Variants in PPP1R3F observed in about 807,000 individuals in gnomAD.
The protein encoded by PPP1R3F is protein phosphatase 1, regulatory (inhibitor) subunit 3F.
A neutral mutation model predicts 24.2 loss-of-function variants in PPP1R3F; 29 were observed. The observed-to-expected ratio is 1.20, with a 90% confidence interval of 0.89 to 1.63. PPP1R3F has a LOEUF of 1.63. Among genes scored for constraint, PPP1R3F ranks in the 40% most tolerant of loss-of-function variants. PPP1R3F has a pLI of 0.00. For synonymous variants in PPP1R3F, 363 were observed against 340.1 expected, an observed-to-expected ratio of 1.07 and a Z score of -0.74; for missense variants, 823 against 729.3, an observed-to-expected ratio of 1.13 and a Z score of -1.48.
At chrX:49,283,345 C>T (rs782805868) in intron 3 of PPP1R3F, among the ~76,000 whole-genome samples, 2 of 109,508 alleles carry the variant, frequency 1.8e-5, no homozygotes, top group Admixed American at 9.7e-5. Context: ...CAACCTCTGC[C>T]TCCTGGGTTC....
chrX:49,281,587 T>A, intron 2 of PPP1R3F, 126 bp downstream of exon 2: 1 of 548,333 alleles, frequency 1.8e-6, no homozygotes, highest in Middle Eastern at 5.3e-4. Flanking sequence ...CCCAGCACTT[T>A]GGGAGGCTGA....
At chrX:49,278,357 T>A (rs2066227296) in intron 1 of PPP1R3F, among the ~76,000 whole-genome samples, 1 of 112,514 alleles carries the variant, frequency 8.9e-6, no homozygotes, top group Admixed American at 9.4e-5. Context: ...AGGAGGAGGA[T>A]GTTTTCTGTC....
Position 49,285,864 on chromosome X carries a change from G to T in PPP1R3F, c.1174G>T (p.Ala392Ser), listed in dbSNP as rs782564902. 4 of 1,158,340 alleles carry T rather than the reference G, an allele frequency of 3.5e-6. No individual in the cohort carries two copies. The highest frequency in any genetic ancestry group is 4.6e-6 in the Non-Finnish European group (4 of 866,622). Residue 392 changes from alanine to serine, a missense_variant, in exon 4 of 4, where the codon GCA becomes TCA. Physicochemically the swap from Ala to Ser is moderately conservative, Grantham distance 99 (BLOSUM62 1). Coordinates refer to ENST00000055335, the MANE Select transcript of PPP1R3F (RefSeq NM_033215.5). Reference sequence around the variant, plus strand: ...TGACGTTCCGATGACTGGCAACCCCGCAGAAGAAGGTGATGTCCCCAGAAG... The same window carrying T: ...TGACGTTCCGATGACTGGCAACCCCTCAGAAGAAGGTGATGTCCCCAGAAG... Reference protein sequence around the residue: ...VSDVPMTGNPAEEGDVPRSSP... With the variant: ...VSDVPMTGNPSEEGDVPRSSP...
At chrX:49,273,978 G>C (rs2066196903) in intron 1 of PPP1R3F, 1 of 112,793 alleles carries the variant, frequency 8.9e-6, no homozygotes, top group Non-Finnish European at 1.9e-5. Context: ...CTAGGTTCCA[G>C]CAGGGAAAGA....
chrX:49,278,373 G>A (rs947846982), intron 1 of PPP1R3F, among the ~76,000 whole-genome samples: 53 of 112,558 alleles, frequency 4.7e-4, no homozygotes, highest in African/African-American at 1.7e-3. Flanking sequence ...CTGTCATGAA[G>A]GACTATGGTA....
intron 1 of PPP1R3F, among the ~76,000 whole-genome samples, chrX:49,272,750 C>G (rs1250833672): frequency 8.9e-6 from 1 of 112,145 alleles, no homozygotes; most frequent in East Asian, 2.8e-4. Flanking sequence ...GTGCTATGAA[C>G]ATCAGATCCA....
intron 1 of PPP1R3F, among the ~76,000 whole-genome samples, chrX:49,271,312 A>G (rs1211629953): frequency 8.9e-6 from 1 of 112,229 alleles, no homozygotes; most frequent in Admixed American, 9.4e-5. Context: ...AGAGTTATGC[A>G]GATACGGTGG....
At chrX:49,277,941 T>C (rs2066224334) in intron 1 of PPP1R3F, among the ~76,000 whole-genome samples, 1 of 112,447 alleles carries the variant, frequency 8.9e-6, no homozygotes, top group Admixed American at 9.4e-5. Flanking sequence ...ATGCTTGTGC[T>C]TTCTGCTTTC....
Position 49,270,714 on chromosome X carries a change from C to G in PPP1R3F, c.845C>G (p.Thr282Arg), listed in dbSNP as rs782804341. The stretch of plus-strand genomic sequence containing the variant: ...GCCAACAACCACGGCCGCAACTACA[C>G]AGTCCTGCTCCGGATCGCACCCGCT... The part of the protein sequence containing the change: ...FWANNHGRNY[T>R]VLLRIAPAPT... The change falls in exon 1 of 4, where the codon ACA becomes AGA. Residue 282 changes from threonine (T) to arginine (R), a missense_variant. Thr to Arg is a moderately conservative substitution (Grantham distance 71). Coordinates refer to ENST00000055335, the MANE Select transcript of PPP1R3F (RefSeq NM_033215.5). 4 of 1,207,676 alleles carry G rather than the reference C, an allele frequency of 3.3e-6. No individual in the cohort carries two copies. Among genetic ancestry groups the G allele is most frequent in the Non-Finnish European group, 4.5e-6 (4 of 893,479 alleles).
Position 49,270,842 on chromosome X carries a change from C to A in PPP1R3F, c.973C>A (p.Leu325Met). 8.4e-7 allele frequency: 1 copy of A among 1,185,946 alleles called. No homozygotes were observed. Among genetic ancestry groups the A allele is most frequent in the Non-Finnish European group, 1.1e-6 (1 of 882,601 alleles). The change falls in exon 1 of 4, where the codon CTG becomes ATG. Residue 325 changes from leucine to methionine, a missense_variant. Physicochemically the swap from Leu to Met is conservative, Grantham distance 15. Coordinates refer to ENST00000055335, the MANE Select transcript of PPP1R3F (RefSeq NM_033215.5). ...TCCCGTGGAGGCTGAGGCCAGGCAG[C>A]TGAAGAGCTGCATGAAGCCGGTGAG... is the stretch of plus-strand genomic sequence containing the variant. ...QGPVEAEARQ[L>M]KSCMKPVRRR...
downstream of PPP1R3F, among the ~76,000 whole-genome samples, chrX:49,292,960 C>T (rs1332701905): frequency 8.9e-6 from 1 of 112,094 alleles, no homozygotes; most frequent in Non-Finnish European, 1.9e-5. Flanking sequence ...ATGGATGCGG[C>T]CACCTCAGGC....
Position 49,270,591 on chromosome X carries a change from A to C in PPP1R3F, c.722A>C (p.Asp241Ala). ...TCGCCCGACGACGGCGGCCGCACCG[A>C]CCGCTTTGCCTTCCAGCTGCCCTTT... ...ASSPDDGGRT[D>A]RFAFQLPFAE... Residue 241 changes from aspartate (D) to alanine (A), a missense_variant, in exon 1 of 4, where the codon GAC (aspartate) becomes GCC (alanine). Coordinates refer to ENST00000055335, the MANE Select transcript of PPP1R3F (RefSeq NM_033215.5). The C allele has an allele frequency of 8.3e-7, 1 of 1,203,867 alleles. No homozygotes were observed. The highest frequency in any genetic ancestry group is 1.1e-6 in the Non-Finnish European group (1 of 894,171).
At position 49,287,685 on chromosome X, in the gene PPP1R3F, T is replaced by A. The variant is rs1191662176; in HGVS notation, c.*595T>A. On this transcript the variant is annotated 3_prime_UTR_variant, in exon 4 of 4. Transcript: ENST00000055335. ...CCTCGTCTCGTGGTCCTAATCCATA[T>A]GGTTCTTTGTCTTTTCCACATTCTG... 2 of 111,505 alleles carry A rather than the reference T, an allele frequency of 1.8e-5. No individual in the cohort carries two copies. Among genetic ancestry groups the A allele is most frequent in the Non-Finnish European group, 3.8e-5 (2 of 53,312 alleles). 9.2% of individuals were successfully genotyped at this position (111,505 alleles called of 1,213,427 possible).
rs782526765 is a variant in PPP1R3F at position 49,270,724 on chromosome X, C to T, written c.855C>T (p.Leu285=). The change falls in exon 1 of 4, where the codon CTC becomes CTT. Residue 285 remains leucine, a synonymous_variant. Coordinates refer to ENST00000055335, the MANE Select transcript of PPP1R3F (RefSeq NM_033215.5). ...ACGGCCGCAACTACACAGTCCTGCT[C>T]CGGATCGCACCCGCTCCCACACCCA... ...NNHGRNYTVL[L]RIAPAPTPTD... 9.1e-6 allele frequency: 11 copies of T among 1,206,016 alleles called. No homozygotes were observed. In the Middle Eastern group the frequency reaches 1.2e-3, roughly 126 times the overall value.
chrX:49,286,447 C>T lies in PPP1R3F; in HGVS notation c.1757C>T (p.Thr586Ile). The change falls in exon 4 of 4, where the codon ACA (threonine) becomes ATA (isoleucine). Residue 586 changes from threonine to isoleucine, a missense_variant. Physicochemically the swap from Thr to Ile is moderately conservative, Grantham distance 89 (BLOSUM62 -1). Coordinates refer to ENST00000055335, the MANE Select transcript of PPP1R3F (RefSeq NM_033215.5). ...GAGGGTGAAGAGGGGCTCTCTGTCA[C>T]ACCCTCCAGCCCAGAAGGGGACAGC... The part of the protein sequence containing the change: ...EGEGEEGLSV[T>I]PSSPEGDSPK... 1 of 1,195,994 alleles carries T rather than the reference C, an allele frequency of 8.4e-7. No individual in the cohort carries two copies. Among genetic ancestry groups the T allele is most frequent in the Non-Finnish European group, 1.1e-6 (1 of 885,600 alleles).
intron 1 of PPP1R3F, among the ~76,000 whole-genome samples, chrX:49,279,845 A>C (rs1557120434): frequency 2.7e-5 from 3 of 112,849 alleles, no homozygotes; most frequent in African/African-American, 9.7e-5. Flanking sequence ...TTTCAGAATA[A>C]GAACAGTGAC....
Position 49,287,477 on chromosome X carries a change from C to G in PPP1R3F, c.*387C>G, listed in dbSNP as rs1557121911. 6.7e-6 allele frequency: 1 copy of G among 148,842 alleles called. No individual in the cohort carries two copies. The allele number at this position is 148,842 out of a possible 1,213,427, so 12.3% of individuals were successfully genotyped here. A position where few individuals can be genotyped will look rare whatever the true frequency, so the allele number is the denominator to read the frequency against. ...TTTTTAATTTAATTTATATAGAGTA[C>G]CTATTATTATATGCCACAATAGAGC... On this transcript the variant is annotated 3_prime_UTR_variant, in exon 4 of 4. Transcript: ENST00000055335.
downstream of PPP1R3F, among the ~76,000 whole-genome samples, chrX:49,289,050 C>T (rs904877242): frequency 1.8e-5 from 2 of 111,094 alleles, no homozygotes; most frequent in Admixed American, 9.6e-5. Flanking sequence ...CGTTTGAACT[C>T]AGGGGGCAGA....
Position 49,270,766 on chromosome X carries a change from G to T in PPP1R3F, c.897G>T (p.Leu299=). The change falls in exon 1 of 4, where the codon CTG becomes CTT. Residue 299 remains leucine (L), a synonymous_variant. Transcript: ENST00000055335. The part of the protein sequence containing the change: ...PAPTPTDAEG[L]PQQQQLPQLE... ...CCACACCCACTGATGCCGAAGGGCTGCCCCAGCAGCAGCAGCTGCCGCAGC... is the reference window on the plus strand; with the variant it reads ...CCACACCCACTGATGCCGAAGGGCTTCCCCAGCAGCAGCAGCTGCCGCAGC... 8.3e-7 allele frequency: 1 copy of T among 1,198,893 alleles called. No individual in the cohort carries two copies. Among genetic ancestry groups the T allele is most frequent in the Non-Finnish European group, 1.1e-6 (1 of 889,261 alleles).
Sources: allele counts gnomAD v4.1 joint callset (sites outside exome capture counted in the v4.1 genomes callset), GRCh38; gene constraint gnomAD v4.1.1; transcripts MANE v1.5; gene names NCBI Gene and HGNC (gene_info 2026-07-23, HGNC 2026-07-21).